The following DOK6 variants were observed in gnomAD, a reference collection of about 807,000 sequenced individuals.
DOK6 encodes downstream of tyrosine kinase 6.
Under a neutral mutation model 44.0 loss-of-function variants are expected in DOK6, and 22 were observed. The observed-to-expected ratio is 0.50, with a 90% CI of 0.36 to 0.71. The LOEUF (loss-of-function observed/expected upper bound fraction) is 0.71. Ranked by LOEUF, DOK6 falls within the 30% of genes least tolerant of loss-of-function variation. The pLI, the probability that DOK6 is intolerant of heterozygous loss-of-function variation, is 0.00. For synonymous variants in DOK6, 166 were observed against 145.5 expected, an observed-to-expected ratio of 1.14 and a Z score of -1.01; for missense variants, 340 against 416.4, an observed-to-expected ratio of 0.82 and a Z score of 1.60.
chr18:69,571,466 A>T (rs1364033871), intron 2 of DOK6, among the ~76,000 whole-genome samples: 5 of 152,066 alleles, frequency 3.3e-5, no homozygotes, highest in Non-Finnish European at 4.4e-5. Context: ...ATAAATCAAG[A>T]CCTAACAATA....
At chr18:69,729,122 A>G (rs1371647442) in intron 5 of DOK6, among the ~76,000 whole-genome samples, 4 of 152,098 alleles carry the variant, frequency 2.6e-5, no homozygotes. Flanking sequence ...TTATACATAT[A>G]CACACATAAA....
At chr18:69,836,643 T>C (rs753825229) in intron 7 of DOK6, among the ~76,000 whole-genome samples, 2 of 152,210 alleles carry the variant, frequency 1.3e-5, no homozygotes, top group Non-Finnish European at 2.9e-5. Context: ...GCTTTTAAAT[T>C]GTAGCATCCC....
At chr18:69,739,524 G>C (rs1433947809) in intron 6 of DOK6, among the ~76,000 whole-genome samples, 2 of 152,158 alleles carry the variant, frequency 1.3e-5, no homozygotes, top group Non-Finnish European at 2.9e-5. Flanking sequence ...TGCTCTAAAA[G>C]TTCTAGCTCT....
chr18:69,525,975 A>G (rs1273216249), intron 1 of DOK6, among the ~76,000 whole-genome samples: 1 of 152,086 alleles, frequency 6.6e-6, no homozygotes, highest in East Asian at 1.9e-4. Flanking sequence ...TACAATTTAA[A>G]AATTATTCAT....
intron 1 of DOK6, among the ~76,000 whole-genome samples, chr18:69,463,428 A>AC (rs1389274853): frequency 6.6e-6 from 1 of 151,986 alleles, no homozygotes; most frequent in African/African-American, 2.4e-5. Context: ...ATGAACAGCA[A>AC]CATCTGTTAT....
chr18:69,695,949 A>G (rs112880611), intron 4 of DOK6, among the ~76,000 whole-genome samples: 5,445 of 152,216 alleles, frequency 0.036, 183 homozygotes, highest in African/African-American at 0.086. Context: ...AAGAGGGTAG[A>G]GGCACCACGG....
At chr18:69,449,097 T>C (rs143994761) in intron 1 of DOK6, among the ~76,000 whole-genome samples, 2 of 152,236 alleles carry the variant, frequency 1.3e-5, no homozygotes, top group African/African-American at 4.8e-5. Context: ...TCTTTAGTAA[T>C]TGATAATCCT....
chr18:69,592,777 T>C (rs1019112616), intron 2 of DOK6, among the ~76,000 whole-genome samples: 9 of 152,190 alleles, frequency 5.9e-5, no homozygotes, highest in African/African-American at 2.2e-4. Context: ...TAAAAGTACA[T>C]ATTATTTTTA....
At chr18:69,820,038 G>A (rs550217894) in intron 7 of DOK6, among the ~76,000 whole-genome samples, 1 of 152,266 alleles carries the variant, frequency 6.6e-6, no homozygotes, top group East Asian at 1.9e-4. Context: ...AGACAGGCTT[G>A]TTTTAGCAAA....
At chr18:69,416,058 T>C (rs373926634) in intron 1 of DOK6, among the ~76,000 whole-genome samples, 4 of 150,816 alleles carry the variant, frequency 2.7e-5, no homozygotes, top group East Asian at 2.0e-4. Flanking sequence ...GAAAAATTTT[T>C]TGGAAGGAAG....
intron 1 of DOK6, among the ~76,000 whole-genome samples, chr18:69,429,306 A>G (rs1978730390): frequency 6.6e-6 from 1 of 152,002 alleles, no homozygotes; most frequent in South Asian, 2.1e-4. Context: ...TAATTTAAGA[A>G]TCTTTATTCT....
At chr18:69,788,407 G>A (rs115897568) in intron 7 of DOK6, among the ~76,000 whole-genome samples, 2,053 of 152,288 alleles carry the variant, frequency 0.013, 40 homozygotes, top group African/African-American at 0.046. Context: ...GCCACAATTT[G>A]TAAGCATAAA....
chr18:69,501,909 C>T lies in DOK6; in HGVS notation c.67-62578C>T, dbSNP rs1036342621. On this transcript the variant is annotated intron_variant, in intron 1 of 7. Transcript: ENST00000382713. The stretch of plus-strand genomic sequence containing the variant: ...ATAGCTTTCATTGTTATTATGATCA[C>T]ATCCTTATTGTATTGATTGTGTAGG... Among the ~76,000 whole-genome samples the T allele has an allele frequency of 3.9e-5, 6 of 152,052 alleles. No homozygotes were observed. In the South Asian group the frequency reaches 1.2e-3, roughly 32 times the overall value.
At chr18:69,562,911 G>A (rs1982872648) in intron 1 of DOK6, among the ~76,000 whole-genome samples, 1 of 151,872 alleles carries the variant, frequency 6.6e-6, no homozygotes, top group Non-Finnish European at 1.5e-5. Flanking sequence ...TCTGACAAAG[G>A]GCTAATATCC....
intron 2 of DOK6, among the ~76,000 whole-genome samples, chr18:69,578,374 G>T (rs979759534): frequency 1.3e-5 from 2 of 152,152 alleles, no homozygotes; most frequent in Non-Finnish European, 2.9e-5. Context: ...AATGATTGTT[G>T]TGTAAAAGTC....
intron 1 of DOK6, among the ~76,000 whole-genome samples, chr18:69,550,902 G>C (rs1982550220): frequency 6.6e-6 from 1 of 151,142 alleles, no homozygotes; most frequent in Admixed American, 6.6e-5. Context: ...TTCTGCCTCA[G>C]CCTCCTGAGT....
chr18:69,549,950 G>A (rs1982517185), intron 1 of DOK6, among the ~76,000 whole-genome samples: 1 of 148,234 alleles, frequency 6.7e-6, no homozygotes, highest in Non-Finnish European at 1.5e-5. Context: ...TATTAAATAA[G>A]AGTACAACAA....
intron 2 of DOK6, among the ~76,000 whole-genome samples, chr18:69,587,743 T>G (rs1420457815): frequency 6.9e-6 from 1 of 145,424 alleles, no homozygotes. Context: ...TTGGAGTCAG[T>G]GGAGCATGTT....
intron 3 of DOK6, among the ~76,000 whole-genome samples, chr18:69,604,894 T>C (rs1397492310): frequency 6.6e-6 from 1 of 152,146 alleles, no homozygotes; most frequent in Non-Finnish European, 1.5e-5. Flanking sequence ...AATTTGAGGG[T>C]ACAGGTGCAG....
Sources: allele counts gnomAD v4.1 joint callset (sites outside exome capture counted in the v4.1 genomes callset), GRCh38; gene constraint gnomAD v4.1.1; transcripts MANE v1.5; gene names NCBI Gene and HGNC (gene_info 2026-07-23, HGNC 2026-07-21).